AP3B1: variants seen among roughly 807,000 people sequenced by gnomAD.
The protein encoded by AP3B1 is AP-3 complex subunit beta-1.
Under a neutral mutation model 132.5 loss-of-function variants are expected in AP3B1, and 61 were observed. The ratio of observed to expected loss-of-function variants is 0.46; its 90% CI spans 0.37 to 0.57. The LOEUF (loss-of-function observed/expected upper bound fraction) is 0.57. Among genes scored for constraint, AP3B1 ranks in the 20% least tolerant of loss-of-function variants. The pLI is 0.00. For synonymous variants in AP3B1, 388 were observed against 438.3 expected (o/e 0.89, Z 1.43); for missense variants, 1,120 against 1,289.4 (o/e 0.87, Z 2.01).
At chr5:78,267,049 AT>A (rs1271449366) in intron 2 of AP3B1, among the ~76,000 whole-genome samples, 1 of 152,108 alleles carries the variant, frequency 6.6e-6, no homozygotes, top group African/African-American at 2.4e-5. Flanking sequence ...CTTATATTTA[AT>A]AATATTTATT....
At chr5:78,172,154 AG>A (rs1158098666) in intron 11 of AP3B1, among the ~76,000 whole-genome samples, 1 of 152,192 alleles carries the variant, frequency 6.6e-6, no homozygotes, top group African/African-American at 2.4e-5. Flanking sequence ...TATTTTATTG[AG>A]GATTTTCGCA....
rs1745876480 is a variant in AP3B1 at position 78,214,484 on chromosome 5, T to C, written c.786+1571A>G. 1.3e-5 allele frequency among the ~76,000 whole-genome samples: 2 copies of C among 152,182 alleles called. 1 individual carries two copies. Among genetic ancestry groups the C allele is most frequent in the South Asian group, 4.1e-4 (2 of 4,830 alleles). ...CTATATATTTTAACTCCAGTTTCTA[T>C]ATAATTACAAGCAAAGGATCATTTG... On this transcript the variant is annotated intron_variant, in intron 7 of 26. Transcript: ENST00000255194.
intron 22 of AP3B1, among the ~76,000 whole-genome samples, chr5:78,086,828 T>A (rs1356035148): frequency 6.6e-6 from 1 of 152,184 alleles, no homozygotes; most frequent in Non-Finnish European, 1.5e-5. Context: ...CTAGAACATT[T>A]CATATAAAAT....
At position 78,171,309 on chromosome 5, in the gene AP3B1, A is replaced by G. The variant is rs192432980; in HGVS notation, c.1167+4317T>C. Among the ~76,000 whole-genome samples the G allele has an allele frequency of 1.9e-3, 286 of 152,288 alleles. 1 individual carries two copies. Among genetic ancestry groups the G allele is most frequent in the African/African-American group, 6.6e-3 (273 of 41,554 alleles). ...GCTTGATGGGGAGGGCATTGAATAT[A>G]TAAATTACCTTGGGCAGTATGGCCA... On this transcript the variant is annotated intron_variant, in intron 11 of 26. Transcript: ENST00000255194.
chr5:78,139,955 AAAATCAC>A (rs1242653270), intron 15 of AP3B1, among the ~76,000 whole-genome samples: 1 of 152,146 alleles, frequency 6.6e-6, no homozygotes, highest in African/African-American at 2.4e-5. Flanking sequence ...GTGGAGAAAA[AAAATCAC>A]AAAGGCAAAA....
At chr5:78,218,346 T>C (rs1359861468) in intron 6 of AP3B1, among the ~76,000 whole-genome samples, 2 of 152,144 alleles carry the variant, frequency 1.3e-5, no homozygotes, top group Non-Finnish European at 2.9e-5. Flanking sequence ...TAGCTTTTCA[T>C]ATCAGGGAAA....
At chr5:78,141,433 ATAT>A in intron 14 of AP3B1, 114 bp from the exon 15 acceptor site, 1 of 752,550 alleles carries the variant, frequency 1.3e-6, no homozygotes, top group East Asian at 2.7e-5. Flanking sequence ...AATTTAATGT[ATAT>A]CTAGGAATTA....
intron 2 of AP3B1, among the ~76,000 whole-genome samples, chr5:78,241,384 G>A: frequency 6.6e-6 from 1 of 151,184 alleles, no homozygotes; most frequent in Middle Eastern, 3.2e-3. Flanking sequence ...GTAGAGACAG[G>A]GTACCACTAT....
intron 17 of AP3B1, among the ~76,000 whole-genome samples, chr5:78,125,314 T>C (rs560103072): frequency 3.9e-5 from 6 of 152,142 alleles, no homozygotes; most frequent in Admixed American, 1.3e-4. Flanking sequence ...TGACTTCTAC[T>C]GTCAATCTGA....
At chr5:78,113,723 T>C (rs1040039982) in intron 19 of AP3B1, 29 bp downstream of exon 19, 13 of 1,611,618 alleles carry the variant, frequency 8.1e-6, no homozygotes, top group Non-Finnish European at 1.1e-5. Context: ...AGAATATTTT[T>C]TGAAGGAAAT....
At chr5:78,163,377 A>G (rs1306781054) in intron 12 of AP3B1, among the ~76,000 whole-genome samples, 1 of 152,130 alleles carries the variant, frequency 6.6e-6, no homozygotes, top group Non-Finnish European at 1.5e-5. Context: ...AAACTGGGAG[A>G]AAAGGAAGAA....
intron 6 of AP3B1, among the ~76,000 whole-genome samples, 158 bp from the exon 7 acceptor site, chr5:78,216,395 G>C (rs1397448753): frequency 1.3e-5 from 2 of 152,068 alleles, no homozygotes; most frequent in Non-Finnish European, 2.9e-5. Context: ...CAAACTTTAT[G>C]GTGACTATTC....
intron 14 of AP3B1, among the ~76,000 whole-genome samples, chr5:78,154,864 T>C (rs1248938111): frequency 6.6e-6 from 1 of 152,212 alleles, no homozygotes; most frequent in Non-Finnish European, 1.5e-5. Context: ...CTGTGTTATC[T>C]TGAATTTCTT....
chr5:78,223,188 C>T (rs1411183945), intron 6 of AP3B1, among the ~76,000 whole-genome samples: 1 of 151,658 alleles, frequency 6.6e-6, no homozygotes, highest in Non-Finnish European at 1.5e-5. Context: ...GTTGAATAGG[C>T]AGTTTCAAAT....
chr5:78,202,954 G>C (rs150675663), intron 7 of AP3B1, among the ~76,000 whole-genome samples: 1 of 152,232 alleles, frequency 6.6e-6, no homozygotes, highest in Non-Finnish European at 1.5e-5. Context: ...ACCAATACAG[G>C]CATGTACCGA....
chr5:78,037,587 T>G (rs1300696952), intron 23 of AP3B1, among the ~76,000 whole-genome samples: 1 of 152,174 alleles, frequency 6.6e-6, no homozygotes, highest in Non-Finnish European at 1.5e-5. Context: ...CAAAATGACT[T>G]TCTTTACCGA....
chr5:78,073,542 CT>C (rs772113450), intron 22 of AP3B1, among the ~76,000 whole-genome samples: 13 of 151,932 alleles, frequency 8.6e-5, no homozygotes, highest in Non-Finnish European at 1.6e-4. Flanking sequence ...TATGAACTGC[CT>C]TTTTTAAATG....
chr5:78,053,697 A>AAAAAAGAAAG (rs1554060861), intron 22 of AP3B1, among the ~76,000 whole-genome samples: 1 of 142,746 alleles, frequency 7.0e-6, no homozygotes. Context: ...AAAAAAAAAA[A>AAAAAAGAAAG]GAAAGAAAAG....
intron 22 of AP3B1, among the ~76,000 whole-genome samples, chr5:78,076,371 G>A (rs1159034701): frequency 6.6e-6 from 1 of 152,202 alleles, no homozygotes; most frequent in Non-Finnish European, 1.5e-5. Context: ...CATATGTGTA[G>A]TAAGGAATTT....
Sources: allele counts gnomAD v4.1 joint callset (sites outside exome capture counted in the v4.1 genomes callset), GRCh38; gene constraint gnomAD v4.1.1; transcripts MANE v1.5; gene names NCBI Gene and HGNC (gene_info 2026-07-23, HGNC 2026-07-21).